Variants in ESRRB observed in about 807,000 individuals in gnomAD.
The protein encoded by ESRRB is estrogen related receptor beta.
Under a neutral mutation model 46.0 loss-of-function variants are expected in ESRRB, and 16 were observed. That is an observed-to-expected ratio of 0.35 (90% CI 0.24 to 0.53). The LOEUF is 0.53. Ranked by LOEUF, ESRRB falls within the 20% of genes least tolerant of loss-of-function variation. The pLI is 0.93. For synonymous variants in ESRRB, 246 were observed against 259.6 expected, an observed-to-expected ratio of 0.95 and a Z score of 0.50; for missense variants, 488 against 607.4, an observed-to-expected ratio of 0.80 and a Z score of 2.07.
intron 3 of ESRRB, among the ~76,000 whole-genome samples, chr14:76,464,619 G>A (rs1264643044): frequency 1.3e-5 from 2 of 152,172 alleles, no homozygotes; most frequent in African/African-American, 2.4e-5. Context: ...CAGCTGCTTC[G>A]TTAGGGGCTC....
At chr14:76,481,818 C>T (rs1337643356) in intron 3 of ESRRB, among the ~76,000 whole-genome samples, 198 bp from the exon 4 acceptor site, 6 of 152,150 alleles carry the variant, frequency 3.9e-5, no homozygotes, top group East Asian at 1.9e-4. Context: ...CCTGGGGCAA[C>T]GGGATGCGCC....
chr14:76,341,279 G>C (rs1884188760), intron 1 of ESRRB, among the ~76,000 whole-genome samples: 1 of 152,230 alleles, frequency 6.6e-6, no homozygotes, highest in Non-Finnish European at 1.5e-5. Flanking sequence ...CCCTCAGCTG[G>C]TTCTCGGCCT....
chr14:76,498,788 C>T lies in ESRRB; in HGVS notation c.*330C>T. 1 of 622,664 alleles carries T rather than the reference C, an allele frequency of 1.6e-6. No individual in the cohort carries two copies. The highest frequency in any genetic ancestry group is 1.4e-5 in the South Asian group (1 of 72,532). The allele number at this position is 622,664 out of a possible 1,614,324, so 38.6% of individuals were successfully genotyped here. A position where few individuals can be genotyped will look rare whatever the true frequency, so the allele number is the denominator to read the frequency against. The stretch of plus-strand genomic sequence containing the variant: ...CACTGGAGCAAGTGCCCTCTCCCCT[C>T]CACCGAGCCACCAAGAGGCAGCATG... On this transcript the variant is annotated 3_prime_UTR_variant, in exon 7 of 7. Transcript: ENST00000644823.
At chr14:76,414,948 A>T (rs1475999816) in intron 1 of ESRRB, among the ~76,000 whole-genome samples, 1 of 152,162 alleles carries the variant, frequency 6.6e-6, no homozygotes, top group African/African-American at 2.4e-5. Flanking sequence ...TGAGCCTCTG[A>T]ATCCCCTCAC....
intron 2 of ESRRB, among the ~76,000 whole-genome samples, chr14:76,441,148 G>A (rs1270575970): frequency 1.3e-5 from 2 of 152,172 alleles, no homozygotes; most frequent in Non-Finnish European, 2.9e-5. Context: ...GAACTCCTGG[G>A]CTCAAGCCAT....
intron 1 of ESRRB, among the ~76,000 whole-genome samples, chr14:76,404,730 C>T (rs890083942): frequency 1.3e-5 from 2 of 152,164 alleles, no homozygotes; most frequent in South Asian, 4.1e-4. Context: ...GACTTTTTTT[C>T]TAAAAGCAAC....
At chr14:76,400,912 G>A (rs762204699) in intron 1 of ESRRB, among the ~76,000 whole-genome samples, 5 of 152,176 alleles carry the variant, frequency 3.3e-5, no homozygotes, top group Admixed American at 3.3e-4. Flanking sequence ...AGATTTCTTC[G>A]CTGGTTTAAG....
Position 76,393,353 on chromosome 14 carries a change from C to T in ESRRB, c.50+16902C>T, listed in dbSNP as rs115920675. 5.8e-3 allele frequency among the ~76,000 whole-genome samples: 882 copies of T among 152,278 alleles called. 10 individuals carry two copies. The highest frequency in any genetic ancestry group is 0.02 in the African/African-American group (843 of 41,546). On this transcript the variant is annotated intron_variant, in intron 1 of 6. Transcript: ENST00000644823. ...GCCCACCACCTTGCTCTCAACACTC[C>T]TCTCCATGCCCTGCAGCCTCCTAAG...
At position 76,491,582 on chromosome 14, in the gene ESRRB, A is replaced by G; in HGVS notation, c.986A>G (p.Asp329Gly). ...GTGTACGCTGAGGACTACATCATGG[A>G]TGAGGAGCACTCCCGCCTCGCGGGG... Reference protein sequence around the residue: ...KLVYAEDYIMDEEHSRLAGLL... With the variant: ...KLVYAEDYIMGEEHSRLAGLL... Residue 329 changes from aspartate (D) to glycine (G), a missense_variant, in exon 6 of 7, where the codon GAT (aspartate) becomes GGT (glycine). Transcript: ENST00000644823. 6.3e-7 allele frequency: 1 copy of G among 1,591,220 alleles called. No individual in the cohort carries two copies. The highest frequency in any genetic ancestry group is 8.6e-7 in the Non-Finnish European group (1 of 1,169,482).
intron 5 of ESRRB, among the ~76,000 whole-genome samples, chr14:76,488,496 T>G (rs1298207699): frequency 3.9e-5 from 6 of 152,118 alleles, no homozygotes; most frequent in Admixed American, 1.3e-4. Flanking sequence ...TGAACCTGAG[T>G]CCAAAGATCT....
At chr14:76,412,751 T>C (rs1886496536) in intron 1 of ESRRB, among the ~76,000 whole-genome samples, 1 of 152,200 alleles carries the variant, frequency 6.6e-6, no homozygotes, top group Non-Finnish European at 1.5e-5. Flanking sequence ...CGGGGTTCCT[T>C]TAAATAGCTG....
rs115447650 is a variant in ESRRB, at chr14:76,325,713, A to G, written c.2+14797A>G. ...TCAAACTCAAGCCTGGTTGCCTCTT[A>G]TAGCTCATGTTATCTTGCCACTAAA... On this transcript the variant is annotated intron_variant, in intron 1 of 6. Transcript: ENST00000512784. 3.3e-3 allele frequency among the ~76,000 whole-genome samples: 503 copies of G among 152,268 alleles called. 3 individuals carry two copies. Among genetic ancestry groups the G allele is most frequent in the African/African-American group, 8.9e-3 (370 of 41,540 alleles).
chr14:76,464,518 G>A (rs985121343), intron 3 of ESRRB, among the ~76,000 whole-genome samples: 17 of 152,096 alleles, frequency 1.1e-4, no homozygotes, highest in African/African-American at 3.9e-4. Flanking sequence ...CCTTTGTGTC[G>A]ACATGGCACA....
At chr14:76,495,485 G>A (rs1287914856) in intron 6 of ESRRB, 5 of 151,774 alleles carry the variant, frequency 3.3e-5, no homozygotes, top group Admixed American at 3.3e-4. Context: ...AGCACGGAGG[G>A]GTTGAGCATG....
chr14:76,415,510 A>T lies in ESRRB; in HGVS notation c.51-23831A>T, dbSNP rs78641995. On this transcript the variant is annotated intron_variant, in intron 1 of 6. Transcript: ENST00000644823. ...CCCTGTCTCTACTAAAAATACAAAA[A>T]TTAGCCAGGCGTGGTGGTTTGCACC... 8.4e-4 allele frequency among the ~76,000 whole-genome samples: 128 copies of T among 152,196 alleles called. No homozygotes were observed. In the Middle Eastern group the frequency reaches 0.01, roughly 12 times the overall value.
chr14:76,405,276 C>A (rs77934830), intron 1 of ESRRB, among the ~76,000 whole-genome samples: 2 of 151,826 alleles, frequency 1.3e-5, no homozygotes, highest in East Asian at 1.9e-4. Context: ...CCACTACACC[C>A]GGCTAATTTT....
chr14:76,472,507 A>G (rs1889412759), intron 3 of ESRRB, among the ~76,000 whole-genome samples: 1 of 152,236 alleles, frequency 6.6e-6, no homozygotes, highest in African/African-American at 2.4e-5. Flanking sequence ...TTAGGAAGTC[A>G]GGTGTGAGGC....
intron 3 of ESRRB, among the ~76,000 whole-genome samples, chr14:76,465,821 G>A (rs1007027172): frequency 1.3e-5 from 2 of 152,220 alleles, no homozygotes; most frequent in South Asian, 2.1e-4. Flanking sequence ...ATCCAAGAGC[G>A]GGGAGATGAC....
At chr14:76,425,508 C>T (rs1050639531) in intron 1 of ESRRB, among the ~76,000 whole-genome samples, 5 of 151,794 alleles carry the variant, frequency 3.3e-5, no homozygotes, top group Non-Finnish European at 7.4e-5. Flanking sequence ...GCCTGCCCCT[C>T]CCTCCTCACC....
Sources: gnomAD v4.1 joint callset for allele counts (sites outside exome capture counted in the v4.1 genomes callset) on GRCh38, gnomAD v4.1.1 for gene constraint, MANE v1.5 for transcripts, NCBI Gene and HGNC (gene_info 2026-07-23, HGNC 2026-07-21) for gene names.